Variants in PRKACB observed in about 807,000 individuals in gnomAD.
The protein encoded by PRKACB is protein kinase cAMP-activated catalytic subunit beta.
In PRKACB, 16 loss-of-function variants were observed where a neutral mutation model predicts 51.4. That is an observed-to-expected ratio of 0.31 (90% confidence interval 0.21 to 0.47). The LOEUF (loss-of-function observed/expected upper bound fraction) is 0.47. PRKACB is among the 20% of genes least tolerant of loss of function. The probability of loss-of-function intolerance (pLI) is 1.00; values close to 1 mark genes in which losing one functional copy is unlikely to be tolerated. For missense variants in PRKACB, 309 were observed against 464.5 expected (o/e 0.67, Z 3.08); for synonymous variants, 147 against 154.4 (o/e 0.95, Z 0.35).
intron 5 of PRKACB, among the ~76,000 whole-genome samples, chr1:84,190,854 C>G (rs1264140953): frequency 6.6e-6 from 1 of 151,976 alleles, no homozygotes; most frequent in East Asian, 1.9e-4. Flanking sequence ...GAATAGACTC[C>G]TATTCTTTTT....
chr1:84,177,766 GA>G (rs1165337886), intron 1 of PRKACB, among the ~76,000 whole-genome samples: 1 of 151,840 alleles, frequency 6.6e-6, no homozygotes, highest in East Asian at 1.9e-4. Flanking sequence ...AAAGAAAAGA[GA>G]AAATGTAAGA....
At chr1:84,217,706 T>C (rs1455644888) in intron 9 of PRKACB, among the ~76,000 whole-genome samples, 1 of 152,082 alleles carries the variant, frequency 6.6e-6, no homozygotes, top group Admixed American at 6.5e-5. Flanking sequence ...GGCAGGAGGA[T>C]CACTTAAGCC....
chr1:84,099,981 T>C (rs1557928572), intron 1 of PRKACB, among the ~76,000 whole-genome samples: 1 of 152,152 alleles, frequency 6.6e-6, no homozygotes, highest in African/African-American at 2.4e-5. Flanking sequence ...TAATTTTATA[T>C]TAGATTGTAG....
chr1:84,123,814 A>G (rs1442943396), intron 1 of PRKACB, among the ~76,000 whole-genome samples: 1 of 152,192 alleles, frequency 6.6e-6, no homozygotes, highest in Non-Finnish European at 1.5e-5. Flanking sequence ...TAGCATTGTT[A>G]TAGTCAATCT....
intron 1 of PRKACB, among the ~76,000 whole-genome samples, chr1:84,100,527 A>G (rs565265713): frequency 2.0e-5 from 3 of 152,298 alleles, no homozygotes; most frequent in East Asian, 1.9e-4. Context: ...AGGCTTAGAG[A>G]AGATAAGATC....
chr1:84,208,013 A>G (rs1040853929), intron 8 of PRKACB, among the ~76,000 whole-genome samples: 1 of 152,176 alleles, frequency 6.6e-6, no homozygotes, highest in Admixed American at 6.5e-5. Flanking sequence ...GACTACAGGC[A>G]TGTGCCACCA....
chr1:84,138,728 G>T (rs1324657370), intron 1 of PRKACB, among the ~76,000 whole-genome samples: 1 of 152,100 alleles, frequency 6.6e-6, no homozygotes, highest in Non-Finnish European at 1.5e-5. Flanking sequence ...GATGGCACAT[G>T]AAAATAAAAC....
chr1:84,155,900 C>T (rs1655437525), intron 1 of PRKACB, among the ~76,000 whole-genome samples: 1 of 152,142 alleles, frequency 6.6e-6, no homozygotes, highest in African/African-American at 2.4e-5. Flanking sequence ...AGTCTTCGTT[C>T]AGCTGCTTCA....
At chr1:84,143,738 G>C (rs188564990), upstream of PRKACB, among the ~76,000 whole-genome samples, 1 of 152,112 alleles carries the variant, frequency 6.6e-6, no homozygotes, top group Non-Finnish European at 1.5e-5. Context: ...TGTAGTTCCT[G>C]TATGTATTAG....
At chr1:84,098,796 G>A (rs193185396) in intron 1 of PRKACB, among the ~76,000 whole-genome samples, 22 of 152,208 alleles carry the variant, frequency 1.4e-4, no homozygotes, top group African/African-American at 5.1e-4. Flanking sequence ...TAGACAAAAC[G>A]AGAGAGAGGC....
chr1:84,214,545 T>G (rs960450385), intron 9 of PRKACB, among the ~76,000 whole-genome samples: 23 of 148,042 alleles, frequency 1.6e-4, no homozygotes, highest in African/African-American at 5.5e-4. Context: ...CACGCTGGAG[T>G]GCAGTGGCAC....
chr1:84,087,767 T>C (rs1161952411), intron 1 of PRKACB, among the ~76,000 whole-genome samples: 1 of 152,170 alleles, frequency 6.6e-6, no homozygotes, highest in African/African-American at 2.4e-5. Context: ...AGTCTTCTTC[T>C]TGCTAATACT....
At chr1:84,181,665 G>A in intron 2 of PRKACB, 1 of 1,503,698 alleles carries the variant, frequency 6.7e-7, no homozygotes, top group African/African-American at 1.4e-5. Flanking sequence ...CTCTCATGCT[G>A]CTACTATCTA....
chr1:84,181,782 T>C (rs1300977183), intron 2 of PRKACB: 6 of 1,302,734 alleles, frequency 4.6e-6, no homozygotes, highest in African/African-American at 3.0e-5. Flanking sequence ...ATTACAGTTA[T>C]TTGCAAGTGC....
chr1:84,185,072 A>G (rs754719262), intron 4 of PRKACB, 28 bp from the exon 5 acceptor site: 4 of 1,344,342 alleles, frequency 3.0e-6, no homozygotes, highest in Admixed American at 2.5e-5. Flanking sequence ...AAGTTGAATA[A>G]TTGTATTTCC....
At chr1:84,162,173 T>C (rs1427291728) in intron 1 of PRKACB, among the ~76,000 whole-genome samples, 2 of 152,066 alleles carry the variant, frequency 1.3e-5, no homozygotes, top group Non-Finnish European at 2.9e-5. Context: ...AATCATATTT[T>C]TCCCCTGGAC....
chr1:84,232,658 A>G (rs1194395971), intron 9 of PRKACB, among the ~76,000 whole-genome samples: 1 of 152,064 alleles, frequency 6.6e-6, no homozygotes, highest in Non-Finnish European at 1.5e-5. Flanking sequence ...TCCCTTTACC[A>G]TTATGTAATG....
intron 1 of PRKACB, among the ~76,000 whole-genome samples, chr1:84,152,853 A>C (rs561525356): frequency 1.3e-5 from 2 of 152,244 alleles, no homozygotes; most frequent in African/African-American, 4.8e-5. Flanking sequence ...CAGCACTTTT[A>C]GTTTCCTTCA....
chr1:84,160,242 G>T (rs1182079680), intron 1 of PRKACB, among the ~76,000 whole-genome samples: 1 of 152,050 alleles, frequency 6.6e-6, no homozygotes, highest in South Asian at 2.1e-4. Context: ...TGTGTTACAG[G>T]TTTATTTACA....
Sources: allele counts gnomAD v4.1 joint callset (sites outside exome capture counted in the v4.1 genomes callset), GRCh38; gene constraint gnomAD v4.1.1; transcripts MANE v1.5; gene names NCBI Gene and HGNC (gene_info 2026-07-23, HGNC 2026-07-21).